The following SLC16A12 variants were observed in gnomAD, a reference collection of about 807,000 sequenced individuals.
SLC16A12 encodes solute carrier family 16 member 12.
Under a neutral mutation model 42.4 loss-of-function variants are expected in SLC16A12, and 17 were observed. The ratio of observed to expected loss-of-function variants is 0.40; its 90% CI spans 0.27 to 0.60. The LOEUF (loss-of-function observed/expected upper bound fraction) is 0.60. SLC16A12 is among the 20% of genes least tolerant of loss of function. SLC16A12 has a pLI of 0.42. For synonymous variants in SLC16A12, 224 were observed against 229.4 expected (o/e 0.98, Z 0.21); for missense variants, 544 against 623.0 (o/e 0.87, Z 1.35).
In SLC16A12 at chr10:89,532,537, C is replaced by T. The variant is rs114520927; in HGVS notation, c.-47+1964G>A. Among the ~76,000 whole-genome samples the T allele has an allele frequency of 6.0e-3, 916 of 152,264 alleles. 12 individuals are homozygous for T. Among genetic ancestry groups the T allele is most frequent in the African/African-American group, 0.021 (870 of 41,548 alleles). On this transcript the variant is annotated intron_variant, in intron 2 of 7. Coordinates refer to ENST00000371790, the MANE Select transcript of SLC16A12 (RefSeq NM_213606.4). ...ATTATTATATCATTTCAATGGGTGA[C>T]TTTTTATATACACTGGAAAGGTACT...
intron 2 of SLC16A12, among the ~76,000 whole-genome samples, chr10:89,501,942 A>G (rs1842996411): frequency 6.6e-6 from 1 of 152,202 alleles, no homozygotes; most frequent in African/African-American, 2.4e-5. Flanking sequence ...TGCCTAACAT[A>G]TATTTTAAAA....
intron 2 of SLC16A12, among the ~76,000 whole-genome samples, chr10:89,541,022 T>C (rs181849992): frequency 1.3e-4 from 20 of 151,632 alleles, no homozygotes; most frequent in Admixed American, 5.3e-4. Context: ...CCTGGGTTCA[T>C]GACATTCTCC....
rs767032380 is a variant in SLC16A12 at position 89,430,978 on chromosome 10, T to A, written c.*2086A>T. On this transcript the variant is annotated 3_prime_UTR_variant, in exon 8 of 8. Coordinates refer to ENST00000371790, the MANE Select transcript of SLC16A12 (RefSeq NM_213606.4). Reference sequence around the variant, plus strand: ...CAAACAGATATAACTTCATCTTAACTTTGACATTTTACAGATACCTTCCAA... The same window carrying A: ...CAAACAGATATAACTTCATCTTAACATTGACATTTTACAGATACCTTCCAA... 1.0e-5 allele frequency: 3 copies of A among 291,348 alleles called. No individual in the cohort carries two copies. The highest frequency in any genetic ancestry group is 2.4e-5 in the African/African-American group (1 of 42,020). 18.0% of individuals were successfully genotyped at this position (291,348 alleles called of 1,614,324 possible).
chr10:89,467,286 C>T (rs990113489), intron 2 of SLC16A12, among the ~76,000 whole-genome samples: 2 of 152,158 alleles, frequency 1.3e-5, no homozygotes, highest in Admixed American at 6.5e-5. Context: ...TGTGCAACAG[C>T]CCTTTTAAAA....
intron 2 of SLC16A12, among the ~76,000 whole-genome samples, chr10:89,500,626 C>A (rs577511942): frequency 6.6e-6 from 1 of 152,116 alleles, no homozygotes; most frequent in Non-Finnish European, 1.5e-5. Flanking sequence ...TCAGCAAAAT[C>A]GGCATACAAG....
At chr10:89,486,730 C>T (rs28366938) in intron 2 of SLC16A12, among the ~76,000 whole-genome samples, 14 of 133,664 alleles carry the variant, frequency 1.0e-4, no homozygotes, top group Admixed American at 2.9e-4. Context: ...AAGAGAAAAA[C>T]GAAATAAGTA....
intron 2 of SLC16A12, among the ~76,000 whole-genome samples, chr10:89,545,812 G>T (rs35236826): frequency 6.6e-6 from 1 of 152,064 alleles, no homozygotes; most frequent in Non-Finnish European, 1.5e-5. Flanking sequence ...ATACTACAAG[G>T]CTACAGTAAC....
intron 2 of SLC16A12, among the ~76,000 whole-genome samples, chr10:89,488,006 A>G (rs1484477109): frequency 6.9e-6 from 1 of 144,882 alleles, no homozygotes; most frequent in African/African-American, 2.5e-5. Context: ...ACACACACAC[A>G]TTTATTATAC....
At chr10:89,484,135 T>C (rs1353246956) in intron 2 of SLC16A12, among the ~76,000 whole-genome samples, 1 of 152,158 alleles carries the variant, frequency 6.6e-6, no homozygotes, top group Non-Finnish European at 1.5e-5. Context: ...AAGAAAAAAG[T>C]TACTAAGTCT....
intron 3 of SLC16A12, among the ~76,000 whole-genome samples, chr10:89,453,186 A>G (rs1244217605): frequency 1.3e-5 from 2 of 152,242 alleles, no homozygotes; most frequent in Non-Finnish European, 2.9e-5. Flanking sequence ...AGTCACACCC[A>G]ACGACAGAGA....
At chr10:89,538,518 A>G (rs1270799926), upstream of SLC16A12, among the ~76,000 whole-genome samples, 1 of 152,198 alleles carries the variant, frequency 6.6e-6, no homozygotes, top group Non-Finnish European at 1.5e-5. Flanking sequence ...TCTTCATCAC[A>G]GAAAGTTCTA....
Position 89,431,344 on chromosome 10 carries a change from CTAAATTCT to C in SLC16A12, c.*1712_*1719del, listed in dbSNP as rs1241967275. 1 of 152,194 alleles carries C rather than the reference CTAAATTCT, an allele frequency of 6.6e-6. No individual in the cohort carries two copies. Among genetic ancestry groups the C allele is most frequent in the Non-Finnish European group, 1.5e-5 (1 of 68,050 alleles). The allele number at this position is 152,194 out of a possible 1,614,324, so 9.4% of individuals were successfully genotyped here. A position where few individuals can be genotyped will look rare whatever the true frequency, so the allele number is the denominator to read the frequency against. ...ATGACAAAGTCAATGGGGTTCAAAA[CTAAATTCT>C]TAAACTAAGTAAGGAGATAACAGAC... On this transcript the variant is annotated 3_prime_UTR_variant, in exon 8 of 8. Transcript: ENST00000371790.
intron 2 of SLC16A12, among the ~76,000 whole-genome samples, chr10:89,504,589 T>C (rs1843032699): frequency 6.6e-6 from 1 of 152,190 alleles, no homozygotes; most frequent in African/African-American, 2.4e-5. Flanking sequence ...ATACTCACTA[T>C]AAGGCCTAAA....
At chr10:89,435,232 G>A (rs1477184293) in intron 7 of SLC16A12, among the ~76,000 whole-genome samples, 2 of 152,116 alleles carry the variant, frequency 1.3e-5, no homozygotes, top group African/African-American at 4.8e-5. Flanking sequence ...ATTTTTACCT[G>A]TATATTTCAG....
intron 2 of SLC16A12, among the ~76,000 whole-genome samples, chr10:89,475,213 G>A (rs1235780223): frequency 1.3e-5 from 2 of 152,114 alleles, no homozygotes; most frequent in Non-Finnish European, 2.9e-5. Flanking sequence ...TGTATTAAAG[G>A]GTAATTTTCC....
Position 89,554,147 on chromosome 10 carries a change from A to AAGGAAGGAAGGAAGGTAG in SLC16A12, c.-47+1734_-47+1735insCTACCTTCCTTCCTTCCT, listed in dbSNP as rs1363375178. ...AGGAAGGAAGGAAGGAAGGAAGGAAAGAAAGAAAGAAAATGGGAAAGTTCT... is the reference window on the plus strand; with the variant it reads ...AGGAAGGAAGGAAGGAAGGAAGGAAAAGGAAGGAAGGAAGGTAGGAAAGAAAGAAAATGGGAAAGTTCT... On this transcript the variant is annotated intron_variant, in intron 2 of 2. Transcript: ENST00000475682. 1.3e-3 allele frequency among the ~76,000 whole-genome samples: 122 copies of AAGGAAGGAAGGAAGGTAG among 92,988 alleles called. 10 individuals carry two copies. Among genetic ancestry groups the AAGGAAGGAAGGAAGGTAG allele is most frequent in the African/African-American group, 6.5e-3 (115 of 17,700 alleles). 61.0% of individuals were successfully genotyped at this position (92,988 alleles called of 152,430 possible). A position where few individuals can be genotyped will look rare whatever the true frequency, so the allele number is the denominator to read the frequency against.
intron 2 of SLC16A12, among the ~76,000 whole-genome samples, chr10:89,490,056 T>C (rs1842824256): frequency 6.6e-6 from 1 of 152,174 alleles, no homozygotes; most frequent in African/African-American, 2.4e-5. Flanking sequence ...GGGTCAAAGA[T>C]AGATAACTAT....
At chr10:89,506,018 C>T (rs1420614491) in intron 2 of SLC16A12, among the ~76,000 whole-genome samples, 1 of 152,202 alleles carries the variant, frequency 6.6e-6, no homozygotes, top group African/African-American at 2.4e-5. Context: ...CCAACTGTCT[C>T]TCTAGATTCC....
Position 89,503,891 on chromosome 10 carries a change from G to T in SLC16A12, c.-47+30610C>A, listed in dbSNP as rs1387335153. Among the ~76,000 whole-genome samples the T allele has an allele frequency of 3.3e-5, 5 of 152,336 alleles. No individual in the cohort carries two copies. The East Asian group carries it at 7.7e-4, about 24-fold the overall frequency. ...CCAGAGGCTGGAAGTGAAGGAGGAA[G>T]TCGAGAGCAAGCCAAAACCCCAGGG... On this transcript the variant is annotated intron_variant, in intron 2 of 7. Coordinates refer to ENST00000371790, the MANE Select transcript of SLC16A12 (RefSeq NM_213606.4).
Sources: allele counts gnomAD v4.1 joint callset (sites outside exome capture counted in the v4.1 genomes callset), GRCh38; gene constraint gnomAD v4.1.1; transcripts MANE v1.5; gene names NCBI Gene and HGNC (gene_info 2026-07-23, HGNC 2026-07-21).